The following YDJC variants were observed in gnomAD, a reference collection of about 807,000 sequenced individuals.
YDJC encodes carbohydrate deacetylase.
Under a neutral mutation model 18.9 loss-of-function variants are expected in YDJC, and 23 were observed. That is an observed-to-expected ratio of 1.22 (90% CI 0.87 to 1.72). YDJC has a LOEUF of 1.72. Among genes scored for constraint, YDJC ranks in the 40% most tolerant of loss-of-function variants. The pLI is 0.00. For missense variants in YDJC, 467 were observed against 470.8 expected (o/e 0.99, Z 0.07); for synonymous variants, 224 against 217.6 (o/e 1.03, Z -0.26).
intron 3 of YDJC, 57 bp downstream of exon 3, chr22:21,629,249 TAC>T: frequency 6.5e-7 from 1 of 1,549,766 alleles, no homozygotes; most frequent in Non-Finnish European, 8.7e-7. Context: ...GAACTTCCCC[TAC>T]TCCCCCAGCC....
In YDJC at chr22:21,629,352, G is replaced by A. The variant is rs1568994363; in HGVS notation, c.380C>T (p.Ala127Val). Reference sequence around the variant, plus strand: ...CTGGTGCCCGTCCGCGTGCGTGGGGGCCCTGCCCAGCAGCTCCCGGAAGCA... The same window carrying A: ...CTGGTGCCCGTCCGCGTGCGTGGGGACCCTGCCCAGCAGCTCCCGGAAGCA... ...LSCFRELLGR[A>V]PTHADGHQHV... The change falls in exon 3 of 5, where the codon GCC becomes GTC. Residue 127 changes from alanine (A) to valine (V), a missense_variant. Transcript: ENST00000292778. The A allele has an allele frequency of 6.5e-7, 1 of 1,550,202 alleles. No homozygotes were observed. The highest frequency in any genetic ancestry group is 8.7e-7 in the Non-Finnish European group (1 of 1,146,906).
rs770834635 is a variant in YDJC at position 21,629,835 on chromosome 22, G to C, written c.164+16C>G. On this transcript the variant is annotated intron_variant, in intron 1 of 4. Coordinates refer to ENST00000292778, the MANE Select transcript of YDJC (RefSeq NM_001017964.2). ...CCCCAAGCCGATCGCCGCCCTGCTAGAGGCCCTCCCCTCACCTGCGGGCCA... is the reference window on the plus strand; with the variant it reads ...CCCCAAGCCGATCGCCGCCCTGCTACAGGCCCTCCCCTCACCTGCGGGCCA... The C allele has an allele frequency of 2.6e-6, 4 of 1,527,136 alleles. No homozygotes were observed. The highest frequency in any genetic ancestry group is 1.8e-6 in the Non-Finnish European group (2 of 1,141,430). 94.6% of individuals were successfully genotyped at this position (1,527,136 alleles called of 1,614,324 possible).
At position 21,629,135 on chromosome 22, in the gene YDJC, C is replaced by G. The variant is rs537082936; in HGVS notation, c.477G>C (p.Thr159=). The change falls in exon 4 of 5, where the codon ACG becomes ACC. Residue 159 remains threonine, a synonymous_variant. Coordinates refer to ENST00000292778, the MANE Select transcript of YDJC (RefSeq NM_001017964.2). ...CCACACCGCGCTCCAGCGGCAGTCG[C>G]GTAAAGCGCACCCCATAGGCCTGCA... ...EALQAYGVRF[T]RLPLERGVGG... 1.3e-6 allele frequency: 2 copies of G among 1,539,614 alleles called. No homozygotes were observed. The highest frequency in any genetic ancestry group is 2.4e-5 in the South Asian group (2 of 83,960).
In YDJC at chr22:21,628,413, G is replaced by C. The variant is rs1490840640; in HGVS notation, c.*5C>G. 2 of 1,531,992 alleles carry C rather than the reference G, an allele frequency of 1.3e-6. No individual in the cohort carries two copies. Among genetic ancestry groups the C allele is most frequent in the Admixed American group, 4.0e-5 (2 of 49,390 alleles). The allele number at this position is 1,531,992 out of a possible 1,614,324, so 94.9% of individuals were successfully genotyped here. A position where few individuals can be genotyped will look rare whatever the true frequency, so the allele number is the denominator to read the frequency against. ...GGGGATTAGTGCTTGGTTGTCTGTA[G>C]GGGGTCAGAGTAGGGAGGGTTCCAG... On this transcript the variant is annotated 3_prime_UTR_variant, in exon 5 of 5. Coordinates refer to ENST00000292778, the MANE Select transcript of YDJC (RefSeq NM_001017964.2).
At position 21,629,202 on chromosome 22, in the gene YDJC, G is replaced by T; in HGVS notation, c.425-15C>A. 1 of 1,545,620 alleles carries T rather than the reference G, an allele frequency of 6.5e-7. No homozygotes were observed. ...CTGGCACACGCCTGCGGGCGGAGCG[G>T]GTCAGGGAGGAGCACGTCCTTTCAC... On this transcript the variant is annotated splice_polypyrimidine_tract_variant and intron_variant, in intron 3 of 4. Coordinates refer to ENST00000292778, the MANE Select transcript of YDJC (RefSeq NM_001017964.2).
Position 21,628,515 on chromosome 22 carries a change from T to C in YDJC, c.875A>G (p.Gln292Arg). 1 of 1,612,354 alleles carries C rather than the reference T, an allele frequency of 6.2e-7. No homozygotes were observed. The highest frequency in any genetic ancestry group is 8.5e-7 in the Non-Finnish European group (1 of 1,179,052). The change falls in exon 5 of 5, where the codon CAG (glutamine) becomes CGG (arginine). Residue 292 changes from glutamine (Q) to arginine (R), a missense_variant. Transcript: ENST00000292778. ...LRAQLAQDGV[Q>R]LCALDDLDSK... ...GTCCAGGTCGTCGAGGGCGCAAAGC[T>C]GCACGCCATCCTGGGCAAGCTGGGC...
In YDJC at chr22:21,628,674, G is replaced by A; in HGVS notation, c.716C>T (p.Thr239Ile). ...GCCGGGGTGCGCCATCAGCTCGGCT[G>A]TCAGGGTGTGGCCCGCTAGGGTACC... is the stretch of plus-strand genomic sequence containing the variant. The part of the protein sequence containing the change: ...LEGTLAGHTL[T>I]AELMAHPGYP... The change falls in exon 5 of 5, where the codon ACA (threonine) becomes ATA (isoleucine). Residue 239 changes from threonine (T) to isoleucine (I), a missense_variant. By Grantham distance (89) the Thr-to-Ile change is moderately conservative. Coordinates refer to ENST00000292778, the MANE Select transcript of YDJC (RefSeq NM_001017964.2). The A allele has an allele frequency of 1.9e-6, 3 of 1,564,164 alleles. No homozygotes were observed. Among genetic ancestry groups the A allele is most frequent in the Non-Finnish European group, 2.6e-6 (3 of 1,157,664 alleles).
intron 3 of YDJC, 25 bp downstream of exon 3, chr22:21,629,283 C>T: frequency 6.4e-7 from 1 of 1,550,480 alleles, no homozygotes; most frequent in East Asian, 2.4e-5. Context: ...TAACGCCCTC[C>T]AAACTGGGAT....
chr22:21,629,129 C>T lies in YDJC; in HGVS notation c.483G>A (p.Leu161=). 1 of 1,539,052 alleles carries T rather than the reference C, an allele frequency of 6.5e-7. No homozygotes were observed. ...AGCCACCCACACCGCGCTCCAGCGG[C>T]AGTCGCGTAAAGCGCACCCCATAGG... ...LQAYGVRFTR[L]PLERGVGGCT... The change falls in exon 4 of 5, where the codon CTG becomes CTA. Residue 161 remains leucine, a synonymous_variant. Transcript: ENST00000292778.
chr22:21,629,076 G>T lies in YDJC; in HGVS notation c.536C>A (p.Ala179Asp). ...GCTWLEAPAR[A>D]FACAVERDAR... ...GTCGCGCTCCACGGCGCAGGCGAAG[G>T]CACGCGCGGGGGCCTCCAGCCAAGT... Residue 179 changes from alanine to aspartate, a missense_variant, in exon 4 of 5, where the codon GCC (alanine) becomes GAC (aspartate). Transcript: ENST00000292778. The T allele has an allele frequency of 6.5e-7, 1 of 1,533,866 alleles. No individual in the cohort carries two copies. The highest frequency in any genetic ancestry group is 8.7e-7 in the Non-Finnish European group (1 of 1,145,004).
rs1328844527 is a variant in YDJC, at chr22:21,629,324, G to A, written c.408C>T (p.His136=). The stretch of plus-strand genomic sequence containing the variant: ...ACCACGCACCTGGGAGCACGTGCAC[G>A]TGCTGGTGCCCGTCCGCGTGCGTGG... ...RAPTHADGHQ[H]VHVLPGVCQV... Residue 136 remains histidine (H), a synonymous_variant, in exon 3 of 5, where the codon CAC becomes CAT. Coordinates refer to ENST00000292778, the MANE Select transcript of YDJC (RefSeq NM_001017964.2). 3.2e-6 allele frequency: 5 copies of A among 1,550,486 alleles called. No homozygotes were observed. Among genetic ancestry groups the A allele is most frequent in the East Asian group, 2.4e-5 (1 of 41,018 alleles).
At position 21,629,848 on chromosome 22, in the gene YDJC, C is replaced by G; in HGVS notation, c.164+3G>C. 1 of 1,548,530 alleles carries G rather than the reference C, an allele frequency of 6.5e-7. No individual in the cohort carries two copies. Among genetic ancestry groups the G allele is most frequent in the Non-Finnish European group, 8.7e-7 (1 of 1,152,354 alleles). The stretch of plus-strand genomic sequence containing the variant: ...GCCGCCCTGCTAGAGGCCCTCCCCT[C>G]ACCTGCGGGCCAGCTCCGCCGCGCT... On this transcript the variant is annotated splice_donor_region_variant and intron_variant, in intron 1 of 4. Transcript: ENST00000292778.
rs1232429559 is a variant in YDJC, at chr22:21,629,764, G to A, written c.165-3C>T. The stretch of plus-strand genomic sequence containing the variant: ...GGAGGCCCGTGGGGATGCTGTGCCT[G>A]AGGGCGGAGCGCGAGCTGGAGCACT... On this transcript the variant is annotated splice_polypyrimidine_tract_variant and splice_region_variant and intron_variant, in intron 1 of 4. Coordinates refer to ENST00000292778, the MANE Select transcript of YDJC (RefSeq NM_001017964.2). 1.3e-6 allele frequency: 2 copies of A among 1,488,500 alleles called. No homozygotes were observed. Among genetic ancestry groups the A allele is most frequent in the African/African-American group, 2.9e-5 (2 of 70,118 alleles). The allele number at this position is 1,488,500 out of a possible 1,614,324, so 92.2% of individuals were successfully genotyped here.
Position 21,628,754 on chromosome 22 carries a change from G to C in YDJC, c.636C>G (p.Cys212Trp). 1 of 1,505,884 alleles carries C rather than the reference G, an allele frequency of 6.6e-7. No homozygotes were observed. 93.3% of individuals were successfully genotyped at this position (1,505,884 alleles called of 1,614,324 possible). ...WTDAFVGLST[C>W]GRHMSAHRVS... ...CGCGGTGAGCGGACATGTGCCGGCC[G>C]CAAGTGCTCAGGCCCACGAAGGCGT... Residue 212 changes from cysteine (C) to tryptophan (W), a missense_variant, in exon 5 of 5, where the codon TGC (cysteine) becomes TGG (tryptophan). Coordinates refer to ENST00000292778, the MANE Select transcript of YDJC (RefSeq NM_001017964.2).
chr22:21,629,514 A>T, intron 2 of YDJC, 88 bp downstream of exon 2: 1 of 1,585,674 alleles, frequency 6.3e-7, no homozygotes, highest in East Asian at 2.3e-5. Context: ...GAAGTCATCC[A>T]CCGCCAGCTC....
chr22:21,628,859 GAC>G, intron 4 of YDJC, 72 bp from the exon 5 acceptor site: 1 of 1,254,038 alleles, frequency 8.0e-7, no homozygotes, highest in Non-Finnish European at 1.1e-6. Flanking sequence ...CTAGGGAAGG[GAC>G]GGCGGGGTGG....
rs1339629558 is a variant in YDJC at position 21,628,748 on chromosome 22, C to T, written c.642G>A (p.Arg214=). 6.6e-7 allele frequency: 1 copy of T among 1,510,130 alleles called. No individual in the cohort carries two copies. Among genetic ancestry groups the T allele is most frequent in the Admixed American group, 2.0e-5 (1 of 49,052 alleles). 93.5% of individuals were successfully genotyped at this position (1,510,130 alleles called of 1,614,324 possible). ...DAFVGLSTCG[R]HMSAHRVSGA... is the part of the protein sequence containing the mutation. ...CGGACACGCGGTGAGCGGACATGTG[C>T]CGGCCGCAAGTGCTCAGGCCCACGA... The change falls in exon 5 of 5, where the codon CGG becomes CGA. Residue 214 remains arginine, a synonymous_variant. Coordinates refer to ENST00000292778, the MANE Select transcript of YDJC (RefSeq NM_001017964.2).
At position 21,629,680 on chromosome 22, in the gene YDJC, C is replaced by G; in HGVS notation, c.246G>C (p.Leu82=). The change falls in exon 2 of 5, where the codon CTG becomes CTC. Residue 82 remains leucine (L), a synonymous_variant. Transcript: ENST00000292778. ...VGPARRGASS[L]LGPEGFFLGK... ...CAAGGAAGAAGCCTTCCGGGCCGAGCAGCGATGAGGCGCCACGGCGGGCCG... is the reference window on the plus strand; with the variant it reads ...CAAGGAAGAAGCCTTCCGGGCCGAGGAGCGATGAGGCGCCACGGCGGGCCG... 1 of 1,609,130 alleles carries G rather than the reference C, an allele frequency of 6.2e-7. No individual in the cohort carries two copies. The highest frequency in any genetic ancestry group is 8.5e-7 in the Non-Finnish European group (1 of 1,178,650).
Position 21,628,624 on chromosome 22 carries a change from C to A in YDJC, c.766G>T (p.Gly256Cys). The change falls in exon 5 of 5, where the codon GGC (glycine) becomes TGC (cysteine). Residue 256 changes from glycine (G) to cysteine (C), a missense_variant. Physicochemically the swap from Gly to Cys is radical, Grantham distance 159 (BLOSUM62 -3). Coordinates refer to ENST00000292778, the MANE Select transcript of YDJC (RefSeq NM_001017964.2). ...PGYPSVPPTG[G>C]CGEGPDAFSC... ...AAAGCGTCGGGGCCTTCACCGCAGC[C>A]GCCGGTGGGAGGCACACTGGGGTAG... is the stretch of plus-strand genomic sequence containing the variant. The A allele has an allele frequency of 6.3e-7, 1 of 1,591,954 alleles. No individual in the cohort carries two copies. Among genetic ancestry groups the A allele is most frequent in the Non-Finnish European group, 8.5e-7 (1 of 1,170,066 alleles).
Sources: gnomAD v4.1 joint callset for allele counts on GRCh38, gnomAD v4.1.1 for gene constraint, MANE v1.5 for transcripts, NCBI Gene and HGNC (gene_info 2026-07-23, HGNC 2026-07-21) for gene names.